The following ATG10 variants were observed in gnomAD, a reference collection of about 807,000 sequenced individuals.
ATG10 encodes ubiquitin-like-conjugating enzyme ATG10.
In ATG10, 30 loss-of-function variants were observed where a neutral mutation model predicts 32.1. That is an observed-to-expected ratio of 0.94 (90% CI 0.70 to 1.27). The LOEUF (loss-of-function observed/expected upper bound fraction) is 1.27. ATG10 is among the 50% of genes most tolerant of loss of function. ATG10 has a pLI of 0.00. For missense variants in ATG10, 233 were observed against 262.3 expected (o/e 0.89, Z 0.77); for synonymous variants, 87 against 91.5 (o/e 0.95, Z 0.28).
chr5:82,063,532 G>A (rs1763851105), intron 3 of ATG10, among the ~76,000 whole-genome samples: 1 of 147,494 alleles, frequency 6.8e-6, no homozygotes, highest in Non-Finnish European at 1.5e-5. Context: ...TCACTCTGTT[G>A]CCCAGGCTGG....
chr5:82,149,457 C>A (rs1422743454), intron 3 of ATG10, among the ~76,000 whole-genome samples: 2 of 151,940 alleles, frequency 1.3e-5, no homozygotes, highest in African/African-American at 4.8e-5. Context: ...AAAGAACAGT[C>A]TTTTTGCAGA....
intron 5 of ATG10, among the ~76,000 whole-genome samples, chr5:82,194,415 G>GC (rs1266951717): frequency 1.3e-5 from 2 of 152,158 alleles, no homozygotes; most frequent in Non-Finnish European, 2.9e-5. Context: ...AAGGCAGGCA[G>GC]CTGACACTGA....
intron 5 of ATG10, among the ~76,000 whole-genome samples, chr5:82,214,369 G>A (rs558344805): frequency 6.6e-6 from 1 of 152,098 alleles, no homozygotes; most frequent in African/African-American, 2.4e-5. Context: ...CTTGTAATTC[G>A]CTAAATGTAT....
chr5:82,001,369 T>A (rs1478051723), intron 2 of ATG10, among the ~76,000 whole-genome samples: 3 of 152,126 alleles, frequency 2.0e-5, no homozygotes, highest in Admixed American at 1.3e-4. Flanking sequence ...AGAACAAAGC[T>A]GGAGGCATCC....
chr5:82,062,987 G>T (rs1208454727), intron 3 of ATG10, among the ~76,000 whole-genome samples: 1 of 152,062 alleles, frequency 6.6e-6, no homozygotes, highest in Non-Finnish European at 1.5e-5. Context: ...TATAATTAGA[G>T]GTATGGCAAT....
At chr5:82,155,053 G>A (rs965798558) in intron 3 of ATG10, among the ~76,000 whole-genome samples, 5 of 152,130 alleles carry the variant, frequency 3.3e-5, no homozygotes, top group African/African-American at 9.7e-5. Context: ...TCACTCTTTG[G>A]CAGAGAAATT....
chr5:82,119,989 T>TGTGA (rs956183750), intron 3 of ATG10, among the ~76,000 whole-genome samples: 1 of 51,802 alleles, frequency 1.9e-5, no homozygotes, highest in African/African-American at 1.5e-4. Context: ...ATTTATTGTG[T>TGTGA]GTGTGTGTGT....
chr5:82,029,558 G>A (rs779800946), intron 2 of ATG10, among the ~76,000 whole-genome samples: 6 of 152,148 alleles, frequency 3.9e-5, no homozygotes, highest in Non-Finnish European at 8.8e-5. Context: ...AACAAGGACT[G>A]GGAGAGTATA....
At chr5:82,169,524 T>G (rs1317311506) in intron 4 of ATG10, among the ~76,000 whole-genome samples, 1 of 152,092 alleles carries the variant, frequency 6.6e-6, no homozygotes, top group East Asian at 1.9e-4. Context: ...ATTAGAGAAG[T>G]ATTTTAAGAC....
chr5:82,094,430 A>T (rs1764987897), intron 3 of ATG10, among the ~76,000 whole-genome samples: 1 of 152,120 alleles, frequency 6.6e-6, no homozygotes, highest in African/African-American at 2.4e-5. Flanking sequence ...TAATAATGAT[A>T]TATATAGGTG....
chr5:82,145,852 A>G (rs1454001044), intron 3 of ATG10, among the ~76,000 whole-genome samples: 1 of 151,938 alleles, frequency 6.6e-6, no homozygotes, highest in Non-Finnish European at 1.5e-5. Context: ...GATTACAGGC[A>G]TGCACCACCA....
intron 2 of ATG10, among the ~76,000 whole-genome samples, chr5:82,013,755 G>C (rs1462706012): frequency 2.0e-5 from 3 of 152,000 alleles, no homozygotes; most frequent in Non-Finnish European, 4.4e-5. Flanking sequence ...CTGATAACTA[G>C]TGATGTAGAG....
At chr5:82,181,315 G>A (rs1415846555) in intron 5 of ATG10, among the ~76,000 whole-genome samples, 1 of 152,104 alleles carries the variant, frequency 6.6e-6, no homozygotes, top group Non-Finnish European at 1.5e-5. Flanking sequence ...GCTCATCACA[G>A]TGCGTGTCGA....
chr5:82,070,984 C>G (rs936545705), intron 3 of ATG10, among the ~76,000 whole-genome samples: 2 of 152,190 alleles, frequency 1.3e-5, no homozygotes, highest in Non-Finnish European at 2.9e-5. Flanking sequence ...TGACTAAGCC[C>G]CTTCCTCTTG....
At chr5:82,010,833 C>T (rs1762108671) in intron 2 of ATG10, among the ~76,000 whole-genome samples, 2 of 152,176 alleles carry the variant, frequency 1.3e-5, no homozygotes, top group South Asian at 4.1e-4. Flanking sequence ...TGCACTATAG[C>T]AGCAATTGCT....
intron 3 of ATG10, among the ~76,000 whole-genome samples, chr5:82,135,471 A>G (rs1766694099): frequency 6.6e-6 from 1 of 152,040 alleles, no homozygotes. Context: ...TTGTGCCTTA[A>G]TTTTCGTTAT....
chr5:82,171,329 A>G (rs1320018175), intron 4 of ATG10, among the ~76,000 whole-genome samples: 1 of 152,206 alleles, frequency 6.6e-6, no homozygotes, highest in Non-Finnish European at 1.5e-5. Flanking sequence ...GTAATTAAAA[A>G]CCATGTTAAC....
intron 5 of ATG10, among the ~76,000 whole-genome samples, chr5:82,226,657 A>C (rs1746145351): frequency 6.6e-6 from 1 of 152,188 alleles, no homozygotes; most frequent in Admixed American, 6.5e-5. Context: ...TTGTTTCTGT[A>C]ACAGTGATTC....
chr5:82,203,444 C>T (rs1049679645), intron 5 of ATG10, among the ~76,000 whole-genome samples: 9 of 152,070 alleles, frequency 5.9e-5, no homozygotes, highest in Non-Finnish European at 1.0e-4. Flanking sequence ...CTGCTACTAT[C>T]GTTAACTTTT....
Sources: allele counts gnomAD v4.1 joint callset (sites outside exome capture counted in the v4.1 genomes callset), GRCh38; gene constraint gnomAD v4.1.1; transcripts MANE v1.5; gene names NCBI Gene and HGNC (gene_info 2026-07-23, HGNC 2026-07-21).